Variants in DAP observed in about 807,000 individuals in gnomAD.
DAP encodes the protein death-associated protein 1.
DAP carries 8 observed loss-of-function variants against 13.8 expected under a neutral mutation model. The observed-to-expected ratio is 0.58, with a 90% CI of 0.34 to 1.05. The LOEUF (loss-of-function observed/expected upper bound fraction) is 1.05, where lower values mean the gene tolerates loss of function less well. DAP is among the 50% of genes least tolerant of loss of function. The pLI, the probability that DAP is intolerant of heterozygous loss-of-function variation, is 0.03. For missense variants in DAP, 106 were observed against 133.2 expected, an observed-to-expected ratio of 0.80 and a Z score of 1.01; for synonymous variants, 47 against 47.5, an observed-to-expected ratio of 0.99 and a Z score of 0.04.
intron 1 of DAP, among the ~76,000 whole-genome samples, chr5:10,755,925 G>T (rs1397951103): frequency 1.3e-5 from 2 of 152,218 alleles, no homozygotes; most frequent in Non-Finnish European, 2.9e-5. Flanking sequence ...AGGTGGGCAG[G>T]TCGCTTGAGC....
intron 2 of DAP, among the ~76,000 whole-genome samples, chr5:10,684,852 C>A (rs1268158923): frequency 6.6e-6 from 1 of 152,078 alleles, no homozygotes; most frequent in Non-Finnish European, 1.5e-5. Context: ...CAAGGTCAGC[C>A]CAGCTGGGAC....
At chr5:10,718,416 C>T (rs915085102) in intron 2 of DAP, among the ~76,000 whole-genome samples, 12 of 152,166 alleles carry the variant, frequency 7.9e-5, no homozygotes, top group Non-Finnish European at 1.3e-4. Flanking sequence ...GAGGTGAGGG[C>T]TATTATGGTG....
At chr5:10,714,521 A>G (rs933040369) in intron 2 of DAP, among the ~76,000 whole-genome samples, 15 of 152,242 alleles carry the variant, frequency 9.9e-5, no homozygotes, top group Non-Finnish European at 2.2e-4. Flanking sequence ...TTACGGCAAG[A>G]AAACAGGTAA....
Position 10,680,889 on chromosome 5 carries a change from T to C in DAP, c.*167A>G. ...CCATAAACAAGGTTTGGGCTGGAGC[T>C]GTTTCTAGTTTTAAATATGGAAATG... On this transcript the variant is annotated 3_prime_UTR_variant, in exon 4 of 4. Transcript: ENST00000230895. 1 of 1,537,154 alleles carries C rather than the reference T, an allele frequency of 6.5e-7. No individual in the cohort carries two copies. The highest frequency in any genetic ancestry group is 8.7e-7 in the Non-Finnish European group (1 of 1,146,992).
At chr5:10,748,686 T>C (rs143867345) in intron 1 of DAP, among the ~76,000 whole-genome samples, 3 of 152,216 alleles carry the variant, frequency 2.0e-5, no homozygotes, top group Non-Finnish European at 4.4e-5. Flanking sequence ...TGGGGTGATA[T>C]GGTGATGGGT....
chr5:10,740,927 T>C (rs920338217), intron 2 of DAP, among the ~76,000 whole-genome samples: 7 of 152,254 alleles, frequency 4.6e-5, no homozygotes, highest in Non-Finnish European at 1.0e-4. Flanking sequence ...AAGGCTACTA[T>C]TAAAAACAAT....
intron 2 of DAP, among the ~76,000 whole-genome samples, chr5:10,697,306 GGGCCTGA>G (rs1330400628): frequency 6.6e-6 from 1 of 152,208 alleles, no homozygotes; most frequent in Non-Finnish European, 1.5e-5. Context: ...CTGTCCAGCA[GGGCCTGA>G]GGACAATTGG....
chr5:10,721,412 G>A (rs1739137177), intron 2 of DAP, among the ~76,000 whole-genome samples: 1 of 152,166 alleles, frequency 6.6e-6, no homozygotes, highest in Admixed American at 6.5e-5. Context: ...AGATTGCCTG[G>A]ACACTTTGGG....
At chr5:10,714,911 GA>G (rs977415065) in intron 2 of DAP, among the ~76,000 whole-genome samples, 2 of 152,132 alleles carry the variant, frequency 1.3e-5, no homozygotes, top group African/African-American at 4.8e-5. Flanking sequence ...GGCCTCCCCA[GA>G]AGCACAAGTT....
At chr5:10,697,435 C>T (rs5745252) in intron 2 of DAP, among the ~76,000 whole-genome samples, 9,962 of 152,218 alleles carry the variant, frequency 0.065, 369 homozygotes, top group African/African-American at 0.093. Context: ...ATTCTGAACA[C>T]GTCCACGCTT....
intron 2 of DAP, among the ~76,000 whole-genome samples, chr5:10,711,379 A>G (rs1354545995): frequency 6.6e-6 from 1 of 152,240 alleles, no homozygotes; most frequent in Non-Finnish European, 1.5e-5. Flanking sequence ...GGCCAGCCTC[A>G]GACAGGGTGG....
intron 1 of DAP, among the ~76,000 whole-genome samples, chr5:10,759,262 C>T (rs1244211984): frequency 2.0e-5 from 3 of 152,124 alleles, no homozygotes; most frequent in Non-Finnish European, 4.4e-5. Context: ...TGTATCATTC[C>T]AACAGATACG....
intron 3 of DAP, 39 bp from the exon 4 acceptor site, chr5:10,681,208 A>G (rs916149427): frequency 1.4e-6 from 2 of 1,441,470 alleles, no homozygotes; most frequent in Non-Finnish European, 1.8e-6. Context: ...AATCAATAGG[A>G]AGCATGGGGT....
chr5:10,711,796 G>A (rs1307272754), intron 2 of DAP, among the ~76,000 whole-genome samples: 2 of 152,228 alleles, frequency 1.3e-5, no homozygotes, highest in African/African-American at 2.4e-5. Context: ...TCAAGAGCAA[G>A]TTAGTTTTTC....
intron 2 of DAP, among the ~76,000 whole-genome samples, chr5:10,693,737 T>C (rs564845531): frequency 6.6e-6 from 1 of 152,354 alleles, no homozygotes; most frequent in South Asian, 2.1e-4. Context: ...CTGTATATGA[T>C]TTAGAGATGC....
intron 2 of DAP, among the ~76,000 whole-genome samples, chr5:10,725,380 G>A (rs559875104): frequency 9.2e-5 from 14 of 152,202 alleles, no homozygotes; most frequent in Non-Finnish European, 1.9e-4. Context: ...GCTGGGCCAG[G>A]GGTTTCTGAG....
At chr5:10,737,288 G>A (rs567383775) in intron 2 of DAP, among the ~76,000 whole-genome samples, 2 of 150,930 alleles carry the variant, frequency 1.3e-5, no homozygotes, top group African/African-American at 4.9e-5. Context: ...AGAGCTTGCA[G>A]TGAGCTGAGA....
intron 1 of DAP, among the ~76,000 whole-genome samples, chr5:10,750,068 C>G (rs1171037203): frequency 6.6e-6 from 1 of 152,024 alleles, no homozygotes; most frequent in Admixed American, 6.6e-5. Context: ...TAGTCATTGG[C>G]CCCCCAGGCT....
At chr5:10,695,070 T>C (rs1160331235) in intron 2 of DAP, among the ~76,000 whole-genome samples, 3 of 152,244 alleles carry the variant, frequency 2.0e-5, no homozygotes, top group Non-Finnish European at 2.9e-5. Flanking sequence ...GGGCTATTAA[T>C]TTTCTGGACA....
Sources: gnomAD v4.1 joint callset for allele counts (sites outside exome capture counted in the v4.1 genomes callset) on GRCh38, gnomAD v4.1.1 for gene constraint, MANE v1.5 for transcripts, NCBI Gene and HGNC (gene_info 2026-07-23, HGNC 2026-07-21) for gene names.